ACSM2A: variants seen among roughly 807,000 people sequenced by gnomAD.
The protein encoded by ACSM2A is acyl-CoA synthetase medium chain family member 2A, also known as acyl-coenzyme A synthetase ACSM2A, mitochondrial.
ACSM2A carries 72 observed loss-of-function variants against 76.6 expected under a neutral mutation model. The ratio of observed to expected loss-of-function variants is 0.94; its 90% confidence interval spans 0.78 to 1.14. The LOEUF is 1.14. Among genes scored for constraint, ACSM2A ranks in the 50% most tolerant of loss-of-function variants. The pLI, the probability that ACSM2A is intolerant of heterozygous loss-of-function variation, is 0.00. For synonymous variants in ACSM2A, 249 were observed against 255.9 expected (o/e 0.97, Z 0.26); for missense variants, 684 against 708.5 (o/e 0.97, Z 0.39).
chr16:20,458,593 A>T (rs1173546505), intron 1 of ACSM2A, among the ~76,000 whole-genome samples: 1 of 143,444 alleles, frequency 7.0e-6, no homozygotes, highest in African/African-American at 2.5e-5. Flanking sequence ...TAGTATATAT[A>T]TTTTTTATAT....
At chr16:20,477,091 A>T in intron 8 of ACSM2A, 1 of 397,886 alleles carries the variant, frequency 2.5e-6, no homozygotes, top group Non-Finnish European at 4.1e-6. Flanking sequence ...GTGTCGTATT[A>T]AAATGTGGTT....
chr16:20,468,462 C>A (rs1186384858), intron 3 of ACSM2A, among the ~76,000 whole-genome samples: 2 of 152,316 alleles, frequency 1.3e-5, no homozygotes, highest in Admixed American at 1.3e-4. Context: ...CAGGTTCAAG[C>A]AATCCTCCTG....
rs200433897 is a variant in ACSM2A at position 20,475,032 on chromosome 16, A to G, written c.895-330A>G. 5.9e-5 allele frequency among the ~76,000 whole-genome samples: 9 copies of G among 151,808 alleles called. 1 individual carries two copies. Among genetic ancestry groups the G allele is most frequent in the Middle Eastern group, 7.0e-3 (2 of 286 alleles). ...GTGCTCAGGCAGCTGATCTTCCCTT[A>G]GTTGCTGGGGGGTGATCTACTCCTA... On this transcript the variant is annotated intron_variant, in intron 6 of 13. Coordinates refer to ENST00000573854, the MANE Select transcript of ACSM2A (RefSeq NM_001308172.2).
At chr16:20,458,079 A>G (rs2012302590) in intron 1 of ACSM2A, among the ~76,000 whole-genome samples, 1 of 151,800 alleles carries the variant, frequency 6.6e-6, no homozygotes, top group Admixed American at 6.6e-5. Context: ...GCTGCAAAAA[A>G]AAAATACTTA....
intron 13 of ACSM2A, among the ~76,000 whole-genome samples, chr16:20,485,449 C>A (rs2014331715): frequency 6.6e-6 from 1 of 152,206 alleles, no homozygotes; most frequent in Non-Finnish European, 1.5e-5. Flanking sequence ...AATCTGGATA[C>A]CTCCTGTGGC....
At position 20,471,403 on chromosome 16, in the gene ACSM2A, G is replaced by T. The variant is rs112243996; in HGVS notation, c.741-133G>T. 2.5e-4 allele frequency: 369 copies of T among 1,489,516 alleles called. 2 individuals carry two copies. The African/African-American group carries it at 4.3e-3, about 17-fold the overall frequency. The allele number at this position is 1,489,516 out of a possible 1,614,324, so 92.3% of individuals were successfully genotyped here. ...CCTTCCTACTTATACATAGACATAT[G>T]CCTATAAACCTGCAGGCAGATACAC... is the stretch of plus-strand genomic sequence containing the variant. On this transcript the variant is annotated intron_variant, in intron 5 of 13. Coordinates refer to ENST00000573854, the MANE Select transcript of ACSM2A (RefSeq NM_001308172.2).
intron 12 of ACSM2A, chr16:20,482,803 T>C: frequency 3.0e-6 from 1 of 330,538 alleles, no homozygotes; most frequent in Non-Finnish European, 5.5e-6. Flanking sequence ...TCTCCTTATC[T>C]GTCTCTATTG....
At chr16:20,483,015 A>G (rs2014176442) in intron 12 of ACSM2A, 43 bp from the exon 13 acceptor site, 1 of 1,608,202 alleles carries the variant, frequency 6.2e-7, no homozygotes, top group Non-Finnish European at 8.5e-7. Context: ...GGAGATGACT[A>G]CACACTCTAA....
chr16:20,469,200 A>G (rs192271630), intron 3 of ACSM2A, among the ~76,000 whole-genome samples: 34 of 147,538 alleles, frequency 2.3e-4, no homozygotes, highest in African/African-American at 8.6e-4. Context: ...AAACTCCTGT[A>G]GAAAATTTTT....
chr16:20,462,955 A>G (rs1240629025), intron 2 of ACSM2A, among the ~76,000 whole-genome samples: 1 of 151,812 alleles, frequency 6.6e-6, no homozygotes, highest in African/African-American at 2.4e-5. Flanking sequence ...AAAATAAACC[A>G]TCATTCTCAG....
intron 10 of ACSM2A, among the ~76,000 whole-genome samples, 172 bp downstream of exon 10, chr16:20,478,849 C>G (rs1943949095): frequency 6.6e-6 from 1 of 152,190 alleles, no homozygotes; most frequent in African/African-American, 2.4e-5. Flanking sequence ...GCTATTCAGC[C>G]TTGCCATCCT....
At chr16:20,452,333 G>A (rs2011809058) in intron 1 of ACSM2A, 1 of 147,938 alleles carries the variant, frequency 6.8e-6, no homozygotes. Context: ...TAGCTTCCCA[G>A]CCTAGATCTT....
rs371399781 is a variant in ACSM2A, at chr16:20,475,764, G to A, written c.1089G>A (p.Gln363=). The change falls in exon 8 of 14, where the codon CAG becomes CAA. Residue 363 remains glutamine, a synonymous_variant. Coordinates refer to ENST00000573854, the MANE Select transcript of ACSM2A (RefSeq NM_001308172.2). ...TGGACATCCGAGAATCCTATGGCCA[G>A]ACAGAAACGGTACCTGTTCCCAGGG... The part of the protein sequence containing the change: ...TGLDIRESYG[Q]TETGLTCMVS... The A allele has an allele frequency of 3.8e-5, 61 of 1,613,832 alleles. No homozygotes were observed. Among genetic ancestry groups the A allele is most frequent in the Non-Finnish European group, 4.6e-5 (54 of 1,179,872 alleles).
rs1332782213 is a variant in ACSM2A at position 20,483,194 on chromosome 16, C to T, written c.1629+17C>T. 2 of 1,611,988 alleles carry T rather than the reference C, an allele frequency of 1.2e-6. No individual in the cohort carries two copies. The highest frequency in any genetic ancestry group is 2.7e-5 in the African/African-American group (2 of 74,766). On this transcript the variant is annotated intron_variant, in intron 13 of 13. Coordinates refer to ENST00000573854, the MANE Select transcript of ACSM2A (RefSeq NM_001308172.2). ...CCAAGAAAGGTAAGGCCTTTGAGCT[C>T]CCAAGTCACTCAAACTTGAGAAATA...
rs1274717501 is a variant in ACSM2A, at chr16:20,460,292, G to A, written c.177+1G>A. On this transcript the variant is annotated splice_donor_variant, in intron 2 of 13. Coordinates refer to ENST00000573854, the MANE Select transcript of ACSM2A (RefSeq NM_001308172.2). LOFTEE classifies it high-confidence loss of function. ...GGATCACTGGGCTGACATGGAGAAG[G>A]TAATGGGGTGGAAAAGAGGCACAGA... is the stretch of plus-strand genomic sequence containing the variant. 6.2e-7 allele frequency: 1 copy of A among 1,613,528 alleles called. No individual in the cohort carries two copies. Among genetic ancestry groups the A allele is most frequent in the Non-Finnish European group, 8.5e-7 (1 of 1,179,774 alleles).
intron 2 of ACSM2A, among the ~76,000 whole-genome samples, chr16:20,461,119 C>G (rs1466709850): frequency 6.8e-6 from 1 of 146,078 alleles, no homozygotes; most frequent in East Asian, 2.2e-4. Context: ...AGGATTCATT[C>G]TGGCTAGGGT....
intron 3 of ACSM2A, 82 bp from the exon 4 acceptor site, chr16:20,469,430 C>A: frequency 6.3e-7 from 1 of 1,586,460 alleles, no homozygotes; most frequent in Non-Finnish European, 8.6e-7. Context: ...CCCACTTGCT[C>A]GCTGCTTGAT....
At chr16:20,472,961 T>C (rs1567368635) in intron 6 of ACSM2A, among the ~76,000 whole-genome samples, 1 of 152,204 alleles carries the variant, frequency 6.6e-6, no homozygotes, top group Non-Finnish European at 1.5e-5. Context: ...TTTTTTCCTG[T>C]AGAACTTGAT....
At position 20,483,287 on chromosome 16, in the gene ACSM2A, T is replaced by TG. The variant is rs151324005; in HGVS notation, c.1629+112dup. 16,720 of 1,508,094 alleles carry TG rather than the reference T, an allele frequency of 0.011. 1,149 individuals carry two copies. The African/African-American group carries it at 0.17, about 15-fold the overall frequency. The allele number at this position is 1,508,094 out of a possible 1,614,324, so 93.4% of individuals were successfully genotyped here. A position where few individuals can be genotyped will look rare whatever the true frequency, so the allele number is the denominator to read the frequency against. On this transcript the variant is annotated intron_variant, in intron 13 of 13. Coordinates refer to ENST00000573854, the MANE Select transcript of ACSM2A (RefSeq NM_001308172.2). ...GTCCTCTAATTTTAAAAAGTCTTCC[T>TG]GGCTGGGCGCGGCAGCTCACGCCTG...
Sources: allele counts gnomAD v4.1 joint callset (sites outside exome capture counted in the v4.1 genomes callset), GRCh38; gene constraint gnomAD v4.1.1; transcripts MANE v1.5; gene names NCBI Gene and HGNC (gene_info 2026-07-23, HGNC 2026-07-21).